SORCS3: variants seen among roughly 807,000 people sequenced by gnomAD.
SORCS3 encodes sortilin related VPS10 domain containing receptor 3.
In SORCS3, 57 loss-of-function variants were observed where a neutral mutation model predicts 146.3. That is an observed-to-expected ratio of 0.39 (90% CI 0.31 to 0.49). The LOEUF (loss-of-function observed/expected upper bound fraction) is 0.49, where lower values mean the gene tolerates loss of function less well. Among genes scored for constraint, SORCS3 ranks in the 20% least tolerant of loss-of-function variants. The pLI is 0.92. For synonymous variants in SORCS3, 653 were observed against 618.5 expected, an observed-to-expected ratio of 1.06 and a Z score of -0.83; for missense variants, 1,341 against 1,575.5, an observed-to-expected ratio of 0.85 and a Z score of 2.52.
At chr10:105,094,838 G>A (rs1322474098) in intron 6 of SORCS3, among the ~76,000 whole-genome samples, 2 of 152,328 alleles carry the variant, frequency 1.3e-5, no homozygotes, top group African/African-American at 4.8e-5. Flanking sequence ...CCAGAATCAT[G>A]AGAGGTGGTA....
intron 4 of SORCS3, among the ~76,000 whole-genome samples, chr10:104,987,596 T>A (rs11591402): frequency 0.32 from 48,381 of 151,960 alleles, 10,369 homozygotes; most frequent in African/African-American, 0.61. Flanking sequence ...CTTCAGCGTT[T>A]TTTTCACTGT....
At chr10:104,950,807 G>A (rs17118039) in intron 3 of SORCS3, among the ~76,000 whole-genome samples, 1,978 of 152,244 alleles carry the variant, frequency 0.013, 48 homozygotes, top group African/African-American at 0.042. Flanking sequence ...AATGTTCAAC[G>A]AAGATTCCGG....
chr10:104,948,523 A>C (rs1434156389), intron 3 of SORCS3, among the ~76,000 whole-genome samples: 1 of 152,238 alleles, frequency 6.6e-6, no homozygotes, highest in Non-Finnish European at 1.5e-5. Context: ...TTTGATTCAC[A>C]GCATTTTATG....
At chr10:104,861,569 T>G (rs1390175122) in intron 2 of SORCS3, among the ~76,000 whole-genome samples, 1 of 152,130 alleles carries the variant, frequency 6.6e-6, no homozygotes, top group Non-Finnish European at 1.5e-5. Context: ...CATTCTCGTG[T>G]TTCCCCACAC....
chr10:104,793,442 T>C (rs1373780724), intron 1 of SORCS3, among the ~76,000 whole-genome samples: 1 of 152,052 alleles, frequency 6.6e-6, no homozygotes, highest in Non-Finnish European at 1.5e-5. Flanking sequence ...TAGGGTGACA[T>C]TGGTAGGATG....
chr10:105,023,172 G>A (rs73338259), intron 4 of SORCS3, among the ~76,000 whole-genome samples: 7,036 of 152,168 alleles, frequency 0.046, 191 homozygotes, highest in Middle Eastern at 0.075. Flanking sequence ...TGGAGTTCTC[G>A]CCATTCTCAA....
chr10:104,659,654 A>T (rs559584734), intron 1 of SORCS3, among the ~76,000 whole-genome samples: 65 of 152,278 alleles, frequency 4.3e-4, no homozygotes, highest in Admixed American at 7.8e-4. Context: ...TCTGAGACCT[A>T]CTTCTCTCCT....
chr10:105,024,640 C>T (rs2055215846), intron 4 of SORCS3, among the ~76,000 whole-genome samples: 1 of 152,172 alleles, frequency 6.6e-6, no homozygotes, highest in Non-Finnish European at 1.5e-5. Context: ...GAGGCTCCAA[C>T]AGCCCCAATC....
chr10:104,691,442 C>T (rs2016110642), intron 1 of SORCS3, among the ~76,000 whole-genome samples: 1 of 152,204 alleles, frequency 6.6e-6, no homozygotes, highest in South Asian at 2.1e-4. Context: ...TCAGGCCAAG[C>T]TTTAAATCAC....
chr10:104,908,272 T>C (rs2018929577), intron 2 of SORCS3, among the ~76,000 whole-genome samples: 1 of 152,242 alleles, frequency 6.6e-6, no homozygotes, highest in Non-Finnish European at 1.5e-5. Context: ...ATGGTGACAA[T>C]TGGAAACAGT....
chr10:105,119,602 C>G (rs904960774), intron 7 of SORCS3, among the ~76,000 whole-genome samples: 8 of 152,102 alleles, frequency 5.3e-5, no homozygotes, highest in African/African-American at 1.4e-4. Flanking sequence ...GCAGAGCTAC[C>G]CAAGGCCATG....
At chr10:104,939,299 CCTG>C (rs2019289008) in intron 3 of SORCS3, among the ~76,000 whole-genome samples, 1 of 152,158 alleles carries the variant, frequency 6.6e-6, no homozygotes, top group Non-Finnish European at 1.5e-5. Context: ...CTTTGTGTCT[CCTG>C]CTAAGTCGTA....
intron 2 of SORCS3, among the ~76,000 whole-genome samples, chr10:104,891,145 C>T (rs186952649): frequency 2.0e-4 from 30 of 152,242 alleles, no homozygotes; most frequent in Admixed American, 1.0e-3. Context: ...ACTACTGAGG[C>T]GGGAAGTTTT....
intron 4 of SORCS3, among the ~76,000 whole-genome samples, chr10:104,997,225 T>C (rs2055032632): frequency 1.3e-5 from 2 of 152,180 alleles, no homozygotes; most frequent in Non-Finnish European, 2.9e-5. Context: ...AACTATTTCT[T>C]TTAACACAGT....
At chr10:105,031,142 T>C (rs1043791854) in intron 4 of SORCS3, among the ~76,000 whole-genome samples, 1 of 151,306 alleles carries the variant, frequency 6.6e-6, no homozygotes, top group African/African-American at 2.4e-5. Context: ...TAAAAACACA[T>C]GAAAAAATTA....
chr10:105,082,738 T>A (rs2055633695), intron 5 of SORCS3, among the ~76,000 whole-genome samples: 1 of 152,096 alleles, frequency 6.6e-6, no homozygotes, highest in Non-Finnish European at 1.5e-5. Context: ...TTTAAATTAT[T>A]TATTTATTTT....
chr10:105,037,578 G>A (rs2055314688), intron 4 of SORCS3, among the ~76,000 whole-genome samples: 1 of 152,030 alleles, frequency 6.6e-6, no homozygotes, highest in Admixed American at 6.6e-5. Context: ...ATCTTCTCAT[G>A]GAGTTCTCCT....
Position 105,228,337 on chromosome 10 carries a change from C to T in SORCS3, c.2868+5088C>T, listed in dbSNP as rs111516653. Among the ~76,000 whole-genome samples the T allele has an allele frequency of 9.4e-4, 143 of 151,406 alleles. 2 individuals carry two copies. Among genetic ancestry groups the T allele is most frequent in the African/African-American group, 3.3e-3 (138 of 41,322 alleles). Reference sequence around the variant, plus strand: ...CCCTGCCCTCCATCACTCCCTCCATCCCTCCTTTCTTTCTTTCCCTTTCTT... The same window carrying T: ...CCCTGCCCTCCATCACTCCCTCCATTCCTCCTTTCTTTCTTTCCCTTTCTT... On this transcript the variant is annotated intron_variant, in intron 20 of 26. Transcript: ENST00000369701.
chr10:104,989,511 T>C (rs1247326338), intron 4 of SORCS3, among the ~76,000 whole-genome samples: 1 of 152,130 alleles, frequency 6.6e-6, no homozygotes, highest in Non-Finnish European at 1.5e-5. Context: ...CAGTCTGGAA[T>C]TTTTCTTTTG....
Sources: allele counts gnomAD v4.1 joint callset (sites outside exome capture counted in the v4.1 genomes callset), GRCh38; gene constraint gnomAD v4.1.1; transcripts MANE v1.5; gene names NCBI Gene and HGNC (gene_info 2026-07-23, HGNC 2026-07-21).